Variants in ST7 observed in about 807,000 individuals in gnomAD.
ST7 encodes the protein suppression of tumorigenicity 7.
ST7 carries 28 observed loss-of-function variants against 78.7 expected under a neutral mutation model. The ratio of observed to expected loss-of-function variants is 0.36; its 90% CI spans 0.26 to 0.49. ST7 has a LOEUF of 0.49. ST7 is among the 20% of genes least tolerant of loss of function. The pLI is 0.99. For missense variants in ST7, 418 were observed against 696.0 expected (o/e 0.60, Z 4.49); for synonymous variants, 247 against 249.6 (o/e 0.99, Z 0.10).
At chr7:117,159,230 T>A (rs1806940222) in intron 9 of ST7, among the ~76,000 whole-genome samples, 1 of 152,232 alleles carries the variant, frequency 6.6e-6, no homozygotes, top group Non-Finnish European at 1.5e-5. Context: ...CTGCCTTTTT[T>A]TCCCATTTGA....
intron 10 of ST7, among the ~76,000 whole-genome samples, chr7:117,181,808 G>C (rs1808792666): frequency 6.6e-6 from 1 of 152,150 alleles, no homozygotes; most frequent in African/African-American, 2.4e-5. Context: ...TGAAAATACT[G>C]TTTGTCTATA....
intron 1 of ST7, chr7:116,954,915 AACTT>A (rs1792372813): frequency 2.1e-5 from 6 of 286,954 alleles, no homozygotes; most frequent in South Asian, 1.9e-4. Flanking sequence ...TTCAGATACT[AACTT>A]AAGTATTTTG....
chr7:117,195,000 GAC>G (rs929455416), intron 12 of ST7, among the ~76,000 whole-genome samples: 3 of 152,134 alleles, frequency 2.0e-5, no homozygotes, highest in African/African-American at 4.8e-5. Flanking sequence ...TCCATTTTCT[GAC>G]AAGTTTCCAA....
chr7:117,085,703 T>C (rs556277294), intron 1 of ST7, among the ~76,000 whole-genome samples: 1 of 152,328 alleles, frequency 6.6e-6, no homozygotes, highest in East Asian at 1.9e-4. Context: ...GCAAATTGAA[T>C]ATAGAGGTTT....
At chr7:116,966,235 TC>T in intron 1 of ST7, 1 of 281,502 alleles carries the variant, frequency 3.6e-6, no homozygotes, top group South Asian at 3.7e-5. Flanking sequence ...GTTGCTTTTT[TC>T]TTTTTTCTTT....
chr7:116,974,909 C>T (rs553983230), intron 1 of ST7, among the ~76,000 whole-genome samples: 68 of 152,322 alleles, frequency 4.5e-4, no homozygotes, highest in African/African-American at 1.6e-3. Context: ...AGGTTCAGTA[C>T]TTTCACTACT....
chr7:117,012,648 TAGTA>T (rs756032640), intron 1 of ST7, among the ~76,000 whole-genome samples: 2 of 152,182 alleles, frequency 1.3e-5, no homozygotes, highest in East Asian at 1.9e-4. Flanking sequence ...ATAATCTATC[TAGTA>T]AGTAAGTAAA....
At chr7:117,220,659 GTC>G (rs1793021887) in intron 14 of ST7, among the ~76,000 whole-genome samples, 1 of 152,160 alleles carries the variant, frequency 6.6e-6, no homozygotes, top group Admixed American at 6.5e-5. Context: ...TCCAAGTCTG[GTC>G]TCCCTCCAAA....
At chr7:117,048,415 A>G (rs902191536) in intron 1 of ST7, among the ~76,000 whole-genome samples, 3 of 152,132 alleles carry the variant, frequency 2.0e-5, no homozygotes, top group African/African-American at 7.2e-5. Flanking sequence ...AATAATCAGA[A>G]TCTTCTGGTA....
At chr7:117,086,816 G>C (rs1800182227) in intron 1 of ST7, among the ~76,000 whole-genome samples, 1 of 152,184 alleles carries the variant, frequency 6.6e-6, no homozygotes, top group African/African-American at 2.4e-5. Context: ...ATAATTTTAG[G>C]TACTTTCTGG....
At chr7:117,031,357 T>C in intron 1 of ST7, among the ~76,000 whole-genome samples, 1 of 131,410 alleles carries the variant, frequency 7.6e-6, no homozygotes, top group African/African-American at 2.6e-5. Context: ...AAAATAAATG[T>C]GTGTGTGTGT....
intron 1 of ST7, among the ~76,000 whole-genome samples, chr7:116,995,984 A>G (rs530485109): frequency 1.9e-4 from 29 of 151,998 alleles, no homozygotes; most frequent in African/African-American, 6.8e-4. Context: ...TAGTGACTTT[A>G]TAGGATTAGA....
At chr7:116,982,512 C>T (rs1794004273) in intron 1 of ST7, among the ~76,000 whole-genome samples, 1 of 151,984 alleles carries the variant, frequency 6.6e-6, no homozygotes, top group African/African-American at 2.4e-5. Context: ...AGTGTAGACT[C>T]CTGCTTTTCT....
chr7:117,217,303 A>C (rs1048172609), intron 13 of ST7, among the ~76,000 whole-genome samples: 2 of 152,008 alleles, frequency 1.3e-5, no homozygotes, highest in African/African-American at 4.8e-5. Flanking sequence ...AAAAAAACAA[A>C]AAAAAAAACT....
At chr7:117,011,123 G>GT (rs1412665632) in intron 1 of ST7, among the ~76,000 whole-genome samples, 1 of 152,022 alleles carries the variant, frequency 6.6e-6, no homozygotes, top group Non-Finnish European at 1.5e-5. Context: ...TCCTCCAACA[G>GT]TTTAAGTATT....
intron 1 of ST7, among the ~76,000 whole-genome samples, chr7:117,056,699 G>T (rs1250311976): frequency 6.6e-6 from 1 of 151,808 alleles, no homozygotes; most frequent in Admixed American, 6.6e-5. Context: ...GTGTAAAGTA[G>T]AAAGGATCTT....
At chr7:117,101,115 G>A (rs1483588334) in intron 2 of ST7, among the ~76,000 whole-genome samples, 2 of 152,158 alleles carry the variant, frequency 1.3e-5, no homozygotes, top group Non-Finnish European at 1.5e-5. Flanking sequence ...GGAGAGGGAT[G>A]ATGGCAGTGT....
chr7:117,001,395 C>G (rs898092914), intron 1 of ST7, among the ~76,000 whole-genome samples: 2 of 152,180 alleles, frequency 1.3e-5, no homozygotes, highest in African/African-American at 2.4e-5. Context: ...CTGCTGTTTT[C>G]TATTATGGTC....
chr7:116,961,357 T>C (rs942855369), intron 1 of ST7, among the ~76,000 whole-genome samples: 2 of 152,220 alleles, frequency 1.3e-5, no homozygotes, highest in Non-Finnish European at 2.9e-5. Context: ...GTGATGAATG[T>C]CAGTGGTAGT....
Sources: allele counts gnomAD v4.1 joint callset (sites outside exome capture counted in the v4.1 genomes callset), GRCh38; gene constraint gnomAD v4.1.1; transcripts MANE v1.5; gene names NCBI Gene and HGNC (gene_info 2026-07-23, HGNC 2026-07-21).